The following CDKL1 variants were observed in gnomAD, a reference collection of about 807,000 sequenced individuals.
CDKL1 encodes the protein cyclin-dependent kinase-like 1.
CDKL1 carries 41 observed loss-of-function variants against 42.0 expected under a neutral mutation model. The ratio of observed to expected loss-of-function variants is 0.98; its 90% CI spans 0.76 to 1.27. CDKL1 has a LOEUF of 1.27. Among genes scored for constraint, CDKL1 ranks in the 50% most tolerant of loss-of-function variants. The pLI is 0.00. For missense variants in CDKL1, 394 were observed against 428.4 expected (o/e 0.92, Z 0.71); for synonymous variants, 153 against 158.6 (o/e 0.96, Z 0.26).
At chr14:50,390,310 A>T in intron 2 of CDKL1, 1 of 1,366,354 alleles carries the variant, frequency 7.3e-7, no homozygotes, top group Non-Finnish European at 9.8e-7. Flanking sequence ...CAGGGATCCC[A>T]CAGTGACACT....
At chr14:50,390,334 C>A (rs973523224) in intron 2 of CDKL1, 1 of 1,366,520 alleles carries the variant, frequency 7.3e-7, no homozygotes, top group East Asian at 4.5e-5. Context: ...CTGTCCTTGA[C>A]CTCCAACTCC....
At chr14:50,361,476 G>C (rs962817436) in intron 2 of CDKL1, among the ~76,000 whole-genome samples, 1 of 152,180 alleles carries the variant, frequency 6.6e-6, no homozygotes, top group Non-Finnish European at 1.5e-5. Flanking sequence ...TTTTCTTACA[G>C]TTCCGCATGC....
Position 50,329,936 on chromosome 14 carries a change from G to C in CDKL1, c.*138C>G, listed in dbSNP as rs112748297. On this transcript the variant is annotated 3_prime_UTR_variant, in exon 10 of 10. Transcript: ENST00000395834. Reference sequence around the variant, plus strand: ...TGGAATTTCCCTTCATATCTTGCCAGTTGGCCTCCCAGTTTCTTGCTTATG... The same window carrying C: ...TGGAATTTCCCTTCATATCTTGCCACTTGGCCTCCCAGTTTCTTGCTTATG... The C allele has an allele frequency of 2.4e-5, 25 of 1,024,460 alleles. No homozygotes were observed. Among genetic ancestry groups the C allele is most frequent in the African/African-American group, 1.3e-4 (8 of 60,200 alleles). The allele number at this position is 1,024,460 out of a possible 1,614,324, so 63.5% of individuals were successfully genotyped here.
chr14:50,365,786 CCAT>C (rs1406210006), intron 2 of CDKL1, among the ~76,000 whole-genome samples: 1 of 152,200 alleles, frequency 6.6e-6, no homozygotes, highest in African/African-American at 2.4e-5. Context: ...TGGACGGGCA[CCAT>C]CTAATCAGCT....
At chr14:50,341,455 CTGG>C (rs747829811) in intron 5 of CDKL1, among the ~76,000 whole-genome samples, 6 of 4,542 alleles carry the variant, frequency 1.3e-3, no homozygotes, top group African/African-American at 4.7e-3. Context: ...TGGGGAGGGT[CTGG>C]GGGGGGGGGG....
chr14:50,376,205 T>C, intron 2 of CDKL1: 1 of 301,962 alleles, frequency 3.3e-6, no homozygotes, highest in Non-Finnish European at 6.9e-6. Flanking sequence ...ACCATGCTAA[T>C]ATAAGATGTT....
intron 3 of CDKL1, among the ~76,000 whole-genome samples, chr14:50,352,989 T>C (rs927667989): frequency 1.3e-5 from 2 of 152,228 alleles, no homozygotes; most frequent in African/African-American, 2.4e-5. Flanking sequence ...GACTCTTCAT[T>C]GCTGTTAAAC....
intron 2 of CDKL1, among the ~76,000 whole-genome samples, chr14:50,381,800 T>C (rs984684886): frequency 5.3e-5 from 8 of 152,012 alleles, no homozygotes; most frequent in Non-Finnish European, 1.2e-4. Flanking sequence ...AGATAAAGGG[T>C]TTCAGTCTGT....
intron 2 of CDKL1, chr14:50,390,412 A>T: frequency 7.5e-7 from 1 of 1,334,410 alleles, no homozygotes; most frequent in Non-Finnish European, 9.9e-7. Flanking sequence ...TACCATTTTC[A>T]TTCCACAGAG....
chr14:50,397,291 C>T (rs748472330), upstream of CDKL1: 2 of 1,365,176 alleles, frequency 1.5e-6, no homozygotes, highest in Non-Finnish European at 2.0e-6. Context: ...GCTGCGGCGT[C>T]AGTGAATGAA....
At chr14:50,377,677 A>G (rs969736439) in intron 2 of CDKL1, 13 of 1,336,208 alleles carry the variant, frequency 9.7e-6, no homozygotes, top group African/African-American at 3.0e-5. Context: ...CAACACAGTC[A>G]CTAAGCCTTT....
intron 2 of CDKL1, chr14:50,377,696 C>A: frequency 7.6e-7 from 1 of 1,313,892 alleles, no homozygotes; most frequent in Non-Finnish European, 1.0e-6. Flanking sequence ...TTTGTCAGGG[C>A]TGGTTTTGAA....
At chr14:50,390,307 C>T (rs780014936) in intron 2 of CDKL1, 5 of 1,366,324 alleles carry the variant, frequency 3.7e-6, no homozygotes, top group Non-Finnish European at 2.9e-6. Context: ...GCCCAGGGAT[C>T]CCACAGTGAC....
intron 7 of CDKL1, chr14:50,335,616 C>G: frequency 6.5e-6 from 10 of 1,532,310 alleles, no homozygotes; most frequent in Middle Eastern, 1.7e-4. Flanking sequence ...GTTAAAGAGA[C>G]ATACCACTGA....
intron 1 of CDKL1, among the ~76,000 whole-genome samples, 167 bp from the exon 2 acceptor site, chr14:50,396,496 G>A (rs964910396): frequency 1.3e-5 from 2 of 152,200 alleles, no homozygotes; most frequent in Admixed American, 6.5e-5. Flanking sequence ...AAAACGAGCC[G>A]AGCTGTAAGA....
At chr14:50,389,785 G>A (rs918489300) in intron 2 of CDKL1, among the ~76,000 whole-genome samples, 5 of 152,114 alleles carry the variant, frequency 3.3e-5, no homozygotes, top group Admixed American at 6.6e-5. Context: ...AAGGCCCTGC[G>A]GGAGAACGGG....
chr14:50,388,906 C>T (rs759078694), intron 2 of CDKL1, among the ~76,000 whole-genome samples: 12 of 151,408 alleles, frequency 7.9e-5, no homozygotes, highest in Non-Finnish European at 1.5e-4. Context: ...GAGACCAGCC[C>T]GGACAACACA....
chr14:50,344,019 TA>T (rs1351775930), intron 4 of CDKL1, among the ~76,000 whole-genome samples: 1 of 152,214 alleles, frequency 6.6e-6, no homozygotes, highest in East Asian at 1.9e-4. Context: ...TTGAGTAAGA[TA>T]AAACATTGCA....
intron 2 of CDKL1, chr14:50,378,289 A>G: frequency 7.3e-7 from 1 of 1,366,500 alleles, no homozygotes; most frequent in South Asian, 1.1e-5. Flanking sequence ...CTATAATAGG[A>G]TGAGGTTGTT....
Sources: allele counts gnomAD v4.1 joint callset (sites outside exome capture counted in the v4.1 genomes callset), GRCh38; gene constraint gnomAD v4.1.1; transcripts MANE v1.5; gene names NCBI Gene and HGNC (gene_info 2026-07-23, HGNC 2026-07-21).